The following UPP2 variants were observed in gnomAD, a reference collection of about 807,000 sequenced individuals.
The protein encoded by UPP2 is UPase 2.
In UPP2, 23 loss-of-function variants were observed where a neutral mutation model predicts 26.7. That is an observed-to-expected ratio of 0.86 (90% CI 0.62 to 1.22). The LOEUF (loss-of-function observed/expected upper bound fraction) is 1.22. UPP2 is among the 50% of genes most tolerant of loss of function. The pLI, the probability that UPP2 is intolerant of heterozygous loss-of-function variation, is 0.00. For missense variants in UPP2, 387 were observed against 396.7 expected (o/e 0.98, Z 0.21); for synonymous variants, 127 against 141.3 (o/e 0.90, Z 0.72).
intron 3 of UPP2, among the ~76,000 whole-genome samples, chr2:158,076,287 TAA>T (rs1247554612): frequency 2.0e-5 from 3 of 151,946 alleles, no homozygotes; most frequent in Non-Finnish European, 2.9e-5. Context: ...TTCTAAAAAA[TAA>T]AAGAGTAGAG....
At chr2:157,997,378 G>A (rs906563148) in intron 2 of UPP2, among the ~76,000 whole-genome samples, 28 of 151,906 alleles carry the variant, frequency 1.8e-4, no homozygotes, top group Admixed American at 1.2e-3. Flanking sequence ...ACATTTTTAG[G>A]TAGCTAAAAT....
intron 3 of UPP2, among the ~76,000 whole-genome samples, chr2:158,046,073 G>T (rs887394409): frequency 5.3e-5 from 8 of 152,168 alleles, no homozygotes; most frequent in African/African-American, 1.9e-4. Context: ...CTAAAAAATT[G>T]AGTAATGCCT....
chr2:158,092,451 G>A (rs1013358244), intron 3 of UPP2, among the ~76,000 whole-genome samples: 1 of 152,184 alleles, frequency 6.6e-6, no homozygotes, highest in Non-Finnish European at 1.5e-5. Context: ...TCCCATGAGT[G>A]CTGAGGGAAA....
Position 158,102,005 on chromosome 2 carries a change from G to T in UPP2, c.-59G>T. On this transcript the variant is annotated 5_prime_UTR_variant, in exon 1 of 7. Coordinates refer to ENST00000005756, the MANE Select transcript of UPP2 (RefSeq NM_173355.4). ...GACTAGGTCTATAATTTAATAACAA[G>T]TCACAATATCTCTCTTTCTTGACAT... is the stretch of plus-strand genomic sequence containing the variant. 1 of 1,604,316 alleles carries T rather than the reference G, an allele frequency of 6.2e-7. No homozygotes were observed. Among genetic ancestry groups the T allele is most frequent in the Middle Eastern group, 1.7e-4 (1 of 5,932 alleles).
intron 6 of UPP2, 150 bp from the exon 7 acceptor site, chr2:158,134,598 A>G: frequency 1.1e-6 from 1 of 901,294 alleles, no homozygotes; most frequent in African/African-American, 1.7e-5. Context: ...ATTGAAGACC[A>G]GAAGGTTCAG....
rs577756637 is a variant in UPP2, at chr2:158,002,302, C to T, written c.61+7043C>T. Among the ~76,000 whole-genome samples, 3 of 152,322 alleles carry T rather than the reference C, an allele frequency of 2.0e-5. No homozygotes were observed. In the East Asian group the frequency reaches 5.8e-4, roughly 29 times the overall value. On this transcript the variant is annotated intron_variant, in intron 2 of 9. Transcript: ENST00000605860. ...TAAACGTGCAACTCGAAGCCAGAGGCAATCCCACCATTAGAGAGAAAAAGC... is the reference window on the plus strand; with the variant it reads ...TAAACGTGCAACTCGAAGCCAGAGGTAATCCCACCATTAGAGAGAAAAAGC...
At chr2:158,066,023 C>A in intron 3 of UPP2, 1 of 337,372 alleles carries the variant, frequency 3.0e-6, no homozygotes, top group Non-Finnish European at 5.6e-6. Context: ...TGTGGCTGCA[C>A]TTCAAAGACT....
At chr2:158,089,254 G>A (rs1467935777) in intron 3 of UPP2, among the ~76,000 whole-genome samples, 1 of 152,134 alleles carries the variant, frequency 6.6e-6, no homozygotes, top group Non-Finnish European at 1.5e-5. Flanking sequence ...GTTGCCAGGA[G>A]AGTGGGGGAA....
chr2:158,020,705 A>T (rs116109415), intron 3 of UPP2, among the ~76,000 whole-genome samples: 2,846 of 152,312 alleles, frequency 0.019, 96 homozygotes, highest in African/African-American at 0.065. Flanking sequence ...TGCACAGATG[A>T]CAACCATTCT....
intron 3 of UPP2, among the ~76,000 whole-genome samples, chr2:158,037,237 T>C (rs1253462571): frequency 6.6e-6 from 1 of 151,986 alleles, no homozygotes; most frequent in East Asian, 1.9e-4. Flanking sequence ...TAGCTGGGTG[T>C]GGTGGCGGGC....
intron 3 of UPP2, among the ~76,000 whole-genome samples, chr2:158,046,017 A>G (rs1478252156): frequency 6.6e-6 from 1 of 152,206 alleles, no homozygotes; most frequent in Non-Finnish European, 1.5e-5. Context: ...AATCTGCCCT[A>G]TAGCCCCAGA....
At chr2:158,107,442 T>C (rs1379674730) in intron 2 of UPP2, among the ~76,000 whole-genome samples, 1 of 152,202 alleles carries the variant, frequency 6.6e-6, no homozygotes, top group Non-Finnish European at 1.5e-5. Flanking sequence ...GTGGTAGTGC[T>C]GAGACCTGGA....
intron 3 of UPP2, among the ~76,000 whole-genome samples, chr2:158,062,101 A>G (rs1297660670): frequency 1.3e-5 from 2 of 152,272 alleles, no homozygotes; most frequent in African/African-American, 4.8e-5. Context: ...TTTCTTGTCC[A>G]CAAAGCCAAA....
At chr2:158,104,435 A>T (rs955257536) in intron 1 of UPP2, among the ~76,000 whole-genome samples, 1 of 146,386 alleles carries the variant, frequency 6.8e-6, no homozygotes, top group East Asian at 2.2e-4. Flanking sequence ...TTGAGATTTT[A>T]AAAATACTTA....
At chr2:158,012,294 G>C (rs1396339105) in intron 2 of UPP2, among the ~76,000 whole-genome samples, 1 of 140,122 alleles carries the variant, frequency 7.1e-6, no homozygotes, top group African/African-American at 2.6e-5. Flanking sequence ...TTTTTGAGAG[G>C]GGGTCTCCAG....
At chr2:158,098,227 A>G (rs569144901), upstream of UPP2, among the ~76,000 whole-genome samples, 6 of 152,288 alleles carry the variant, frequency 3.9e-5, no homozygotes, top group Non-Finnish European at 8.8e-5. Context: ...TGCAAGAGGC[A>G]GGCCAAGGTC....
chr2:158,054,144 G>C (rs569477139), intron 3 of UPP2, among the ~76,000 whole-genome samples: 1 of 152,168 alleles, frequency 6.6e-6, no homozygotes, highest in Non-Finnish European at 1.5e-5. Context: ...AGTGGCACAC[G>C]TCTGTAGTTT....
At chr2:158,068,765 A>T (rs1682477725) in intron 3 of UPP2, among the ~76,000 whole-genome samples, 1 of 31,700 alleles carries the variant, frequency 3.2e-5, no homozygotes, top group Non-Finnish European at 4.9e-5. Context: ...TTCAAATTCA[A>T]ATATATATAT....
intron 3 of UPP2, among the ~76,000 whole-genome samples, chr2:158,115,649 A>G (rs1469657588): frequency 2.0e-5 from 3 of 152,152 alleles, no homozygotes; most frequent in Non-Finnish European, 4.4e-5. Context: ...GCTGTTTAAC[A>G]CCATAATAAG....
Sources: allele counts gnomAD v4.1 joint callset (sites outside exome capture counted in the v4.1 genomes callset), GRCh38; gene constraint gnomAD v4.1.1; transcripts MANE v1.5; gene names NCBI Gene and HGNC (gene_info 2026-07-23, HGNC 2026-07-21).